The following DUSP29 variants were observed in gnomAD, a reference collection of about 807,000 sequenced individuals.
DUSP29 encodes the protein dual specificity phosphatase 29, also known as atypical dual-specific protein phosphatase.
Under a neutral mutation model 13.5 loss-of-function variants are expected in DUSP29, and 12 were observed. That is an observed-to-expected ratio of 0.89 (90% CI 0.57 to 1.44). The LOEUF (loss-of-function observed/expected upper bound fraction) is 1.44, where lower values mean the gene tolerates loss of function less well. Among genes scored for constraint, DUSP29 ranks in the 40% most tolerant of loss-of-function variants. DUSP29 has a pLI of 0.00. For missense variants in DUSP29, 308 were observed against 301.1 expected (o/e 1.02, Z -0.17); for synonymous variants, 134 against 128.7 (o/e 1.04, Z -0.28).
intron 2 of DUSP29, among the ~76,000 whole-genome samples, chr10:75,045,097 C>T (rs1219233403): frequency 2.6e-5 from 4 of 152,238 alleles, no homozygotes; most frequent in African/African-American, 9.7e-5. Context: ...TGGCTCACGC[C>T]TATAATCCCA....
chr10:75,039,723 A>G (rs539008021), intron 3 of DUSP29, among the ~76,000 whole-genome samples: 1 of 152,120 alleles, frequency 6.6e-6, no homozygotes, highest in African/African-American at 2.4e-5. Flanking sequence ...TCTCCCATGC[A>G]CTATCTGGGA....
chr10:75,066,608 T>C (rs1847206666), intron 1 of DUSP29, among the ~76,000 whole-genome samples: 1 of 152,202 alleles, frequency 6.6e-6, no homozygotes, highest in Non-Finnish European at 1.5e-5. Flanking sequence ...ATGTTTTACT[T>C]GAGCATATGG....
chr10:75,048,749 A>G (rs1846758160), intron 2 of DUSP29, among the ~76,000 whole-genome samples: 1 of 152,078 alleles, frequency 6.6e-6, no homozygotes, highest in African/African-American at 2.4e-5. Context: ...CTGGCATCTG[A>G]TCTCGGTTAG....
chr10:75,060,469 A>T (rs1197342178), intron 1 of DUSP29, among the ~76,000 whole-genome samples: 108 of 46,272 alleles, frequency 2.3e-3, no homozygotes, highest in African/African-American at 0.014. Context: ...GAGACCTTAT[A>T]AAAAAAAAAA....
At chr10:75,072,253 G>A (rs1847345864) in intron 1 of DUSP29, among the ~76,000 whole-genome samples, 1 of 152,090 alleles carries the variant, frequency 6.6e-6, no homozygotes, top group Non-Finnish European at 1.5e-5. Context: ...AACTAAAAGA[G>A]CACCCTGTAA....
chr10:75,055,560 T>C (rs776343211), intron 2 of DUSP29, among the ~76,000 whole-genome samples: 1 of 152,170 alleles, frequency 6.6e-6, no homozygotes, highest in Non-Finnish European at 1.5e-5. Context: ...AGAAAGTAGA[T>C]TGGTGGTTGC....
At chr10:75,038,931 C>T (rs1298881183) in intron 3 of DUSP29, among the ~76,000 whole-genome samples, 1 of 152,254 alleles carries the variant, frequency 6.6e-6, no homozygotes, top group East Asian at 1.9e-4. Context: ...TGGGTGAATG[C>T]ACATGTGTTA....
At position 75,041,177 on chromosome 10, in the gene DUSP29, T is replaced by C. The variant is rs1315339689; in HGVS notation, c.421+2620A>G. ...TCCCTTGCCTAGACACAACTGCATG[T>C]GGCAGGTGGGCTGAGCACCTGCCGT... On this transcript the variant is annotated intron_variant, in intron 3 of 3. Transcript: ENST00000338487. 2.6e-5 allele frequency among the ~76,000 whole-genome samples: 4 copies of C among 152,192 alleles called. No homozygotes were observed. The East Asian group carries it at 5.8e-4, about 22-fold the overall frequency.
In DUSP29 at chr10:75,058,328, A is replaced by G. The variant is rs773276374; in HGVS notation, c.187T>C (p.Tyr63His). Residue 63 changes from tyrosine to histidine, a missense_variant, in exon 2 of 4, where the codon TAC becomes CAC. Transcript: ENST00000338487. ...THVNEVWPKL[Y>H]IGDEATALDR... ...CTGGGCACTTACTCATCGCCAATGT[A>G]GAGCTTGGGCCAGACCTCGTTGACG... 4 of 1,613,294 alleles carry G rather than the reference A, an allele frequency of 2.5e-6. No individual in the cohort carries two copies. The highest frequency in any genetic ancestry group is 2.5e-6 in the Non-Finnish European group (3 of 1,179,614).
At chr10:75,062,736 G>A (rs994520482) in intron 1 of DUSP29, among the ~76,000 whole-genome samples, 3 of 152,138 alleles carry the variant, frequency 2.0e-5, no homozygotes, top group African/African-American at 7.2e-5. Flanking sequence ...CCAGATCACA[G>A]CCAACATGGA....
At chr10:75,047,036 A>G (rs898459508) in intron 2 of DUSP29, among the ~76,000 whole-genome samples, 11 of 152,174 alleles carry the variant, frequency 7.2e-5, no homozygotes, top group African/African-American at 2.4e-4. Context: ...ATAGATATGC[A>G]ACAAGACTCA....
At chr10:75,039,600 G>A (rs1356058032) in intron 3 of DUSP29, among the ~76,000 whole-genome samples, 1 of 152,168 alleles carries the variant, frequency 6.6e-6, no homozygotes, top group African/African-American at 2.4e-5. Flanking sequence ...CCTCTGTCAC[G>A]AAAATCAGAC....
chr10:75,055,895 A>T (rs1030529488), intron 2 of DUSP29, among the ~76,000 whole-genome samples: 1 of 152,156 alleles, frequency 6.6e-6, no homozygotes, highest in Non-Finnish European at 1.5e-5. Flanking sequence ...ATACAACAGT[A>T]TGTATATATA....
intron 3 of DUSP29, among the ~76,000 whole-genome samples, chr10:75,039,449 G>T (rs979698291): frequency 1.3e-5 from 2 of 152,182 alleles, no homozygotes; most frequent in Non-Finnish European, 2.9e-5. Context: ...CCAGGAGTTA[G>T]AGGTTGCAGT....
Position 75,053,067 on chromosome 10 carries a change from G to A in DUSP29, c.200+5248C>T, listed in dbSNP as rs568958412. Among the ~76,000 whole-genome samples, 8 of 152,326 alleles carry A rather than the reference G, an allele frequency of 5.3e-5. No homozygotes were observed. In the East Asian group the frequency reaches 5.8e-4, roughly 11 times the overall value. On this transcript the variant is annotated intron_variant, in intron 2 of 3. Transcript: ENST00000338487. ...CCCTGGGTCCTAGAGTAAAGTGGCC[G>A]GGAGCGCAGCAGAGCTGGCCCACCA...
Position 75,037,699 on chromosome 10 carries a change from C to A in DUSP29, c.*137G>T. On this transcript the variant is annotated 3_prime_UTR_variant, in exon 4 of 4. Transcript: ENST00000338487. ...CTGGGTCCTCCCTGTCCCCAGCACA[C>A]ATGGGGAAGTTGAACAAGATGGTTT... The A allele has an allele frequency of 7.1e-7, 1 of 1,418,020 alleles. No homozygotes were observed. The highest frequency in any genetic ancestry group is 1.4e-5 in the South Asian group (1 of 72,668). The allele number at this position is 1,418,020 out of a possible 1,614,324, so 87.8% of individuals were successfully genotyped here. A position where few individuals can be genotyped will look rare whatever the true frequency, so the allele number is the denominator to read the frequency against.
intron 2 of DUSP29, among the ~76,000 whole-genome samples, chr10:75,055,701 G>C (rs148404754): frequency 7.4e-4 from 113 of 152,178 alleles, no homozygotes; most frequent in African/African-American, 2.6e-3. Flanking sequence ...TATAACAAAA[G>C]CTCTGAATTG....
In DUSP29 at chr10:75,058,382, A is replaced by G. The variant is rs1564644159; in HGVS notation, c.133T>C (p.Phe45Leu). The change falls in exon 2 of 4, where the codon TTC becomes CTC. Residue 45 changes from phenylalanine to leucine, a missense_variant. Physicochemically the swap from Phe to Leu is conservative, Grantham distance 22. Coordinates refer to ENST00000338487, the MANE Select transcript of DUSP29 (RefSeq NM_001003892.3). ...GTGTACTGGGGACTGCCCTTCCAGA[A>G]GAGCCGCTCCAGCTCAAAGGCTCCA... Reference protein sequence around the residue: ...TPGAFELERLFWKGSPQYTHV... With the variant: ...TPGAFELERLLWKGSPQYTHV... 1.9e-6 allele frequency: 3 copies of G among 1,614,226 alleles called. No individual in the cohort carries two copies. The highest frequency in any genetic ancestry group is 2.5e-6 in the Non-Finnish European group (3 of 1,180,038).
chr10:75,051,510 GAA>G (rs778499765), intron 2 of DUSP29, among the ~76,000 whole-genome samples: 3 of 152,178 alleles, frequency 2.0e-5, no homozygotes, highest in Admixed American at 6.5e-5. Context: ...AAGGAGCAAG[GAA>G]AAGAGTGAGC....
Sources: allele counts gnomAD v4.1 joint callset (sites outside exome capture counted in the v4.1 genomes callset), GRCh38; gene constraint gnomAD v4.1.1; transcripts MANE v1.5; gene names NCBI Gene and HGNC (gene_info 2026-07-23, HGNC 2026-07-21).